Variants in MCU observed in about 807,000 individuals in gnomAD.
The protein encoded by MCU is mitochondrial calcium uniporter, also known as calcium uniporter protein, mitochondrial.
A neutral mutation model predicts 45.2 loss-of-function variants in MCU; 12 were observed. The ratio of observed to expected loss-of-function variants is 0.27; its 90% CI spans 0.17 to 0.43. MCU has a LOEUF of 0.43. MCU is among the 20% of genes least tolerant of loss of function. MCU has a pLI of 1.00. For synonymous variants in MCU, 160 were observed against 165.1 expected (o/e 0.97, Z 0.24); for missense variants, 324 against 436.7 (o/e 0.74, Z 2.30).
intron 1 of MCU, among the ~76,000 whole-genome samples, chr10:72,813,502 A>G (rs1745358148): frequency 8.5e-6 from 1 of 118,256 alleles, no homozygotes; most frequent in Admixed American, 1.3e-4. Flanking sequence ...TCTGTTGCCC[A>G]AGCTGGAGTG....
At chr10:72,847,367 G>C (rs961207894) in intron 2 of MCU, among the ~76,000 whole-genome samples, 4 of 152,104 alleles carry the variant, frequency 2.6e-5, no homozygotes, top group African/African-American at 9.7e-5. Flanking sequence ...GAATTCCAAG[G>C]TTTATAAATT....
chr10:72,746,478 A>C (rs1843416585), intron 1 of MCU, among the ~76,000 whole-genome samples: 1 of 152,188 alleles, frequency 6.6e-6, no homozygotes, highest in African/African-American at 2.4e-5. Context: ...ATCTGACTTA[A>C]ATGCTCTGAT....
chr10:72,867,066 C>A (rs960193586), intron 4 of MCU, among the ~76,000 whole-genome samples: 1 of 149,080 alleles, frequency 6.7e-6, no homozygotes, highest in African/African-American at 2.5e-5. Flanking sequence ...ATACAAGATA[C>A]CCAGCTAGGT....
Position 72,803,532 on chromosome 10 carries a change from G to C in MCU, c.151-30827G>C, listed in dbSNP as rs938542391. Among the ~76,000 whole-genome samples the C allele has an allele frequency of 1.0e-3, 152 of 151,638 alleles. 2 individuals are homozygous for C. Among genetic ancestry groups the C allele is most frequent in the Non-Finnish European group, 9.6e-4 (65 of 67,904 alleles). ...CTGAGAAAAGGCTTCTGTTTTTAAA[G>C]GCTTTTCAGTTTCTGTTCTCCAATT... On this transcript the variant is annotated intron_variant, in intron 1 of 7. Coordinates refer to ENST00000373053, the MANE Select transcript of MCU (RefSeq NM_138357.3).
intron 1 of MCU, among the ~76,000 whole-genome samples, chr10:72,732,294 T>C (rs960266304): frequency 3.9e-5 from 6 of 152,214 alleles, no homozygotes; most frequent in African/African-American, 9.6e-5. Flanking sequence ...AAGGATGCCT[T>C]TTTTAAGCTC....
chr10:72,709,976 C>CTGTTT (rs1308323630), intron 1 of MCU, among the ~76,000 whole-genome samples: 3 of 152,092 alleles, frequency 2.0e-5, no homozygotes, highest in Admixed American at 2.0e-4. Context: ...TAATGGCTTT[C>CTGTTT]TGTTTTGTTT....
intron 1 of MCU, among the ~76,000 whole-genome samples, chr10:72,804,232 G>A (rs1056855280): frequency 2.0e-5 from 3 of 150,292 alleles, no homozygotes; most frequent in Non-Finnish European, 4.4e-5. Context: ...GATTACAGGT[G>A]CCCACCACCA....
intron 1 of MCU, among the ~76,000 whole-genome samples, chr10:72,792,992 C>T (rs1013132517): frequency 6.6e-6 from 1 of 151,966 alleles, no homozygotes; most frequent in Non-Finnish European, 1.5e-5. Context: ...GATTCTTTTG[C>T]CTCAGCTTCC....
intron 1 of MCU, among the ~76,000 whole-genome samples, chr10:72,759,728 G>T (rs893697750): frequency 3.3e-5 from 5 of 152,136 alleles, no homozygotes; most frequent in African/African-American, 1.2e-4. Context: ...GGAGATAGTG[G>T]CCTGGGAGGA....
intron 1 of MCU, among the ~76,000 whole-genome samples, chr10:72,712,893 G>A (rs1235059609): frequency 6.6e-6 from 1 of 152,078 alleles, no homozygotes; most frequent in Admixed American, 6.6e-5. Flanking sequence ...CTTCATTCAG[G>A]TTGTCCCTCC....
At chr10:72,817,080 T>C (rs1236050052) in intron 1 of MCU, among the ~76,000 whole-genome samples, 1 of 152,208 alleles carries the variant, frequency 6.6e-6, no homozygotes, top group African/African-American at 2.4e-5. Flanking sequence ...CATGTTTGGT[T>C]GGTAGTTTCC....
At chr10:72,871,242 A>C in intron 5 of MCU, 135 bp from the exon 6 acceptor site, 2 of 786,540 alleles carry the variant, frequency 2.5e-6, no homozygotes, top group Non-Finnish European at 4.3e-6. Context: ...CTATTTAGGA[A>C]GACAAGCTAT....
chr10:72,812,764 CAAA>C (rs10538061), intron 1 of MCU, among the ~76,000 whole-genome samples: 85,606 of 151,698 alleles, frequency 0.56, 25,449 homozygotes, highest in Non-Finnish European at 0.67. Context: ...AAGCTTTCTT[CAAA>C]CCATTACTGC....
At chr10:72,738,719 A>G (rs1843284217) in intron 1 of MCU, among the ~76,000 whole-genome samples, 1 of 152,234 alleles carries the variant, frequency 6.6e-6, no homozygotes, top group Admixed American at 6.5e-5. Context: ...TGGACAATGA[A>G]GCTTGAAATC....
At chr10:72,755,176 A>T (rs1332707476) in intron 1 of MCU, among the ~76,000 whole-genome samples, 6 of 128,574 alleles carry the variant, frequency 4.7e-5, no homozygotes, top group Admixed American at 8.8e-5. Context: ...TGAGGCAGAG[A>T]TTTGCTCTTG....
At chr10:72,716,224 A>C (rs1175576678) in intron 1 of MCU, among the ~76,000 whole-genome samples, 1 of 152,214 alleles carries the variant, frequency 6.6e-6, no homozygotes, top group Admixed American at 6.5e-5. Flanking sequence ...CTTTAAGAAA[A>C]AGTTTGCCAA....
At chr10:72,751,204 T>G (rs1199838778) in intron 1 of MCU, among the ~76,000 whole-genome samples, 1 of 151,604 alleles carries the variant, frequency 6.6e-6, no homozygotes, top group Admixed American at 6.6e-5. Context: ...GGTTTCACCA[T>G]GTTGGCCAGG....
At chr10:72,819,776 A>C (rs745456622) in intron 1 of MCU, among the ~76,000 whole-genome samples, 64 of 136,812 alleles carry the variant, frequency 4.7e-4, no homozygotes, top group Non-Finnish European at 2.7e-4. Flanking sequence ...CATCATTGAC[A>C]CTTCATTCAT....
At chr10:72,847,740 T>A (rs1247308218) in intron 2 of MCU, among the ~76,000 whole-genome samples, 2 of 152,204 alleles carry the variant, frequency 1.3e-5, no homozygotes, top group African/African-American at 4.8e-5. Flanking sequence ...TTAGGAATAG[T>A]TTGGCTGAGC....
Sources: allele counts gnomAD v4.1 joint callset (sites outside exome capture counted in the v4.1 genomes callset), GRCh38; gene constraint gnomAD v4.1.1; transcripts MANE v1.5; gene names NCBI Gene and HGNC (gene_info 2026-07-23, HGNC 2026-07-21).